The following ATP6V1A variants were observed in gnomAD, a reference collection of about 807,000 sequenced individuals.
The protein encoded by ATP6V1A is ATPase H+ transporting V1 subunit A, also known as V-type proton ATPase catalytic subunit A.
A neutral mutation model predicts 70.1 loss-of-function variants in ATP6V1A; 18 were observed. The ratio of observed to expected loss-of-function variants is 0.26; its 90% CI spans 0.18 to 0.38. The LOEUF (loss-of-function observed/expected upper bound fraction) is 0.38. Ranked by LOEUF, ATP6V1A falls within the 10% of genes least tolerant of loss-of-function variation. ATP6V1A has a pLI of 1.00. For synonymous variants in ATP6V1A, 232 were observed against 253.8 expected (o/e 0.91, Z 0.82); for missense variants, 424 against 772.4 (o/e 0.55, Z 5.35).
chr3:113,756,169 G>A (rs1469542411), intron 1 of ATP6V1A, among the ~76,000 whole-genome samples: 1 of 152,180 alleles, frequency 6.6e-6, no homozygotes, highest in East Asian at 1.9e-4. Context: ...AAGTGGTAGG[G>A]CTCAGGATTA....
rs1242991591 is a variant in ATP6V1A, at chr3:113,798,421, C to T, written c.1469C>T (p.Ala490Val). Residue 490 changes from alanine (A) to valine (V), a missense_variant, in exon 12 of 15, where the codon GCA becomes GTA. Ala to Val is a moderately conservative substitution (Grantham distance 64, BLOSUM62 0). This residue lies in a region of ATP6V1A where 127 missense variants were observed against 207.9 expected (regional missense o/e 0.61). Coordinates refer to ENST00000273398, the MANE Select transcript of ATP6V1A (RefSeq NM_001690.4). ...ATTCTGCAGGAAGAAGAAGACCTGG[C>T]AGAAATTGTACAGCTTGTGGGAAAG... is the stretch of plus-strand genomic sequence containing the variant. ...KEILQEEEDL[A>V]EIVQLVGKAS... The T allele has an allele frequency of 6.2e-7, 1 of 1,613,650 alleles. No individual in the cohort carries two copies. Among genetic ancestry groups the T allele is most frequent in the African/African-American group, 1.3e-5 (1 of 74,872 alleles).
chr3:113,762,568 CA>C (rs530159143), intron 1 of ATP6V1A, among the ~76,000 whole-genome samples: 55 of 140,406 alleles, frequency 3.9e-4, no homozygotes, highest in African/African-American at 7.3e-4. Flanking sequence ...AACTCCATCT[CA>C]AAAAAAAAAA....
chr3:113,775,289 G>A (rs911009791), intron 1 of ATP6V1A, among the ~76,000 whole-genome samples: 2 of 150,486 alleles, frequency 1.3e-5, no homozygotes, highest in Non-Finnish European at 2.9e-5. Flanking sequence ...GAATGCAGTG[G>A]TGCAGTCTTG....
chr3:113,803,119 A>G (rs1172822400), intron 12 of ATP6V1A, among the ~76,000 whole-genome samples: 1 of 152,266 alleles, frequency 6.6e-6, no homozygotes, highest in Non-Finnish European at 1.5e-5. Flanking sequence ...GCCTCAATAC[A>G]GATAAACTTT....
intron 7 of ATP6V1A, 120 bp from the exon 8 acceptor site, chr3:113,789,612 G>A: frequency 1.6e-6 from 1 of 644,438 alleles, no homozygotes; most frequent in Non-Finnish European, 2.7e-6. Context: ...ATTACTTTAG[G>A]AACACTGATT....
intron 6 of ATP6V1A, among the ~76,000 whole-genome samples, chr3:113,787,975 C>T (rs1709055313): frequency 6.6e-6 from 1 of 152,230 alleles, no homozygotes; most frequent in South Asian, 2.1e-4. Context: ...GGCTGGAATG[C>T]AATGGCTAGA....
intron 12 of ATP6V1A, among the ~76,000 whole-genome samples, chr3:113,803,037 A>G (rs574161768): frequency 2.8e-4 from 43 of 152,172 alleles, no homozygotes; most frequent in Non-Finnish European, 5.3e-4. Context: ...GGATGAATCC[A>G]TAAACAAAAT....
chr3:113,806,613 C>A lies in ATP6V1A; in HGVS notation c.1761+1088C>A, dbSNP rs536950585. On this transcript the variant is annotated intron_variant, in intron 14 of 14. Transcript: ENST00000273398. ...AGCTGGGATTACAGGTGCCTGCCAC[C>A]ACGCCCAGCTAATTTTTTGTATTTT... Among the ~76,000 whole-genome samples the A allele has an allele frequency of 2.0e-5, 3 of 152,218 alleles. No individual in the cohort carries two copies. The East Asian group carries it at 5.8e-4, about 29-fold the overall frequency.
At position 113,758,503 on chromosome 3, in the gene ATP6V1A, G is replaced by A. The variant is rs12492290; in HGVS notation, c.-14+11390G>A. Among the ~76,000 whole-genome samples, 706 of 152,136 alleles carry A rather than the reference G, an allele frequency of 4.6e-3. 15 individuals are homozygous for A. The highest frequency in any genetic ancestry group is 0.034 in the Admixed American group (516 of 15,282). On this transcript the variant is annotated intron_variant, in intron 1 of 14. Coordinates refer to ENST00000273398, the MANE Select transcript of ATP6V1A (RefSeq NM_001690.4). ...TCATTATAGTTAGTTTGCATTACAT[G>A]TATCGATGATTCATATTTTCCTTGC...
At chr3:113,781,676 T>A (rs1458144372) in intron 3 of ATP6V1A, among the ~76,000 whole-genome samples, 1 of 152,332 alleles carries the variant, frequency 6.6e-6, no homozygotes, top group East Asian at 1.9e-4. Flanking sequence ...GAATTGGTAC[T>A]CTTATTTTAA....
intron 5 of ATP6V1A, among the ~76,000 whole-genome samples, chr3:113,785,905 A>G (rs188410895): frequency 4.5e-4 from 58 of 127,978 alleles, no homozygotes; most frequent in African/African-American, 1.6e-3. Context: ...GGGTGTCACT[A>G]TGTTGCCTGG....
chr3:113,760,721 C>T (rs1708693936), intron 1 of ATP6V1A, among the ~76,000 whole-genome samples: 1 of 151,834 alleles, frequency 6.6e-6, no homozygotes, highest in East Asian at 1.9e-4. Flanking sequence ...AATAAGACTC[C>T]ATCTCAAAAA....
At chr3:113,790,471 T>A (rs1451980920) in intron 8 of ATP6V1A, among the ~76,000 whole-genome samples, 1 of 152,174 alleles carries the variant, frequency 6.6e-6, no homozygotes, top group Admixed American at 6.5e-5. Flanking sequence ...TACTTGTACC[T>A]TTGTAACTTG....
chr3:113,774,543 G>A (rs145860566), intron 1 of ATP6V1A, among the ~76,000 whole-genome samples: 4 of 152,120 alleles, frequency 2.6e-5, no homozygotes, highest in Admixed American at 6.6e-5. Context: ...TGCTGGGTGC[G>A]GTGGCTCACG....
At chr3:113,788,938 T>A in intron 7 of ATP6V1A, 63 bp downstream of exon 7, 1 of 1,457,858 alleles carries the variant, frequency 6.9e-7, no homozygotes, top group South Asian at 1.2e-5. Flanking sequence ...TCATTGACAA[T>A]TAATAAAGCT....
At chr3:113,772,794 TA>T (rs1708859967) in intron 1 of ATP6V1A, among the ~76,000 whole-genome samples, 2 of 151,814 alleles carry the variant, frequency 1.3e-5, no homozygotes, top group Non-Finnish European at 2.9e-5. Context: ...CGTGTTTTCA[TA>T]ATTATTATGA....
At chr3:113,783,892 A>G (rs574492790) in intron 3 of ATP6V1A, among the ~76,000 whole-genome samples, 2 of 152,216 alleles carry the variant, frequency 1.3e-5, no homozygotes, top group Non-Finnish European at 2.9e-5. Flanking sequence ...ATATACATTC[A>G]TGAGAATTAT....
At chr3:113,763,148 A>G (rs1027172370) in intron 1 of ATP6V1A, among the ~76,000 whole-genome samples, 2 of 151,958 alleles carry the variant, frequency 1.3e-5, no homozygotes, top group African/African-American at 2.4e-5. Context: ...TGTGGAGTGC[A>G]GTGGCGCAAT....
At chr3:113,807,240 C>T (rs1246313553) in intron 14 of ATP6V1A, among the ~76,000 whole-genome samples, 1 of 148,518 alleles carries the variant, frequency 6.7e-6, no homozygotes, top group African/African-American at 2.5e-5. Context: ...AGTACAGTGG[C>T]ACGATCCTGG....
Sources: gnomAD v4.1 joint callset for allele counts (sites outside exome capture counted in the v4.1 genomes callset) on GRCh38, gnomAD v4.1.1 for gene constraint, gnomAD v4.1.1 regional missense constraint, MANE v1.5 for transcripts, NCBI Gene and HGNC (gene_info 2026-07-23, HGNC 2026-07-21) for gene names.